The following SCN11A variants were observed in gnomAD, a reference collection of about 807,000 sequenced individuals.
SCN11A encodes sodium voltage-gated channel alpha subunit 11, also known as sodium channel protein type 11 subunit alpha.
In SCN11A, 122 loss-of-function variants were observed where a neutral mutation model predicts 162.2. That is an observed-to-expected ratio of 0.75 (90% CI 0.65 to 0.87). The LOEUF is 0.87. Ranked by LOEUF, SCN11A falls within the 40% of genes least tolerant of loss-of-function variation. The probability of loss-of-function intolerance (pLI) is 0.00; values close to 1 mark genes in which losing one functional copy is unlikely to be tolerated. For synonymous variants in SCN11A, 758 were observed against 751.5 expected, an observed-to-expected ratio of 1.01 and a Z score of -0.14; for missense variants, 2,015 against 2,181.6, an observed-to-expected ratio of 0.92 and a Z score of 1.52.
chr3:38,974,779 GA>G (rs1206333869), intron 2 of SCN11A, among the ~76,000 whole-genome samples: 22 of 148,356 alleles, frequency 1.5e-4, no homozygotes, highest in South Asian at 2.1e-4. Flanking sequence ...GGAAACAATA[GA>G]AAAAAATAAA....
intron 26 of SCN11A, among the ~76,000 whole-genome samples, chr3:38,867,810 C>G (rs887861632): frequency 6.6e-6 from 1 of 152,064 alleles, no homozygotes; most frequent in African/African-American, 2.4e-5. Flanking sequence ...GGGAACCTGA[C>G]TGGAGGTGAG....
rs772393665 is a variant in SCN11A, at chr3:38,903,975, A to T, written c.1732T>A (p.Phe578Ile). 43 of 1,613,942 alleles carry T rather than the reference A, an allele frequency of 2.7e-5. No homozygotes were observed. In the South Asian group the frequency reaches 4.0e-4, roughly 15 times the overall value. ...CAGATGGTGATGGCCAGCTCAGTAA[A>T]CGGGTCAGTCATCACAGTTCTCAGG... is the stretch of plus-strand genomic sequence containing the variant. Reference protein sequence around the residue: ...KVLRTVMTDPFTELAITICII... With the variant: ...KVLRTVMTDPITELAITICII... Residue 578 changes from phenylalanine to isoleucine, a missense_variant, in exon 16 of 30, where the codon TTT (phenylalanine) becomes ATT (isoleucine). Physicochemically the swap from Phe to Ile is conservative, Grantham distance 21. Transcript: ENST00000302328.
At chr3:38,952,015 G>T (rs528386227) in intron 4 of SCN11A, among the ~76,000 whole-genome samples, 1 of 152,200 alleles carries the variant, frequency 6.6e-6, no homozygotes, top group African/African-American at 2.4e-5. Context: ...TCTTGCTACT[G>T]CTTACTCTTT....
At position 38,883,402 on chromosome 3, in the gene SCN11A, T is replaced by C. The variant is rs967334822; in HGVS notation, c.3065-15A>G. 6.2e-7 allele frequency: 1 copy of C among 1,609,898 alleles called. No homozygotes were observed. The highest frequency in any genetic ancestry group is 1.3e-5 in the African/African-American group (1 of 74,826). On this transcript the variant is annotated splice_polypyrimidine_tract_variant and intron_variant, in intron 21 of 29. Transcript: ENST00000302328. ...GCAACCAAAGCCTGAAAGGAATTAA[T>C]GGTAGCACTATCATTAGTGTCTGTA...
chr3:38,935,288 T>C (rs1360022505), intron 7 of SCN11A, among the ~76,000 whole-genome samples: 2 of 151,314 alleles, frequency 1.3e-5, no homozygotes, highest in Non-Finnish European at 2.9e-5. Context: ...AGATCCAAAA[T>C]TGACACCCTA....
intron 2 of SCN11A, among the ~76,000 whole-genome samples, chr3:38,972,654 T>A (rs1178530792): frequency 6.6e-6 from 1 of 151,832 alleles, no homozygotes; most frequent in Non-Finnish European, 1.5e-5. Context: ...TGAGGTACAC[T>A]GAGTTTTTAC....
At chr3:38,957,777 C>A (rs1161528525) in intron 3 of SCN11A, among the ~76,000 whole-genome samples, 1 of 152,254 alleles carries the variant, frequency 6.6e-6, no homozygotes, top group Non-Finnish European at 1.5e-5. Flanking sequence ...TAGGCCTGAC[C>A]TCCCATGGTT....
At chr3:39,021,695 A>G (rs1381769217) in intron 2 of SCN11A, among the ~76,000 whole-genome samples, 1 of 152,196 alleles carries the variant, frequency 6.6e-6, no homozygotes, top group East Asian at 1.9e-4. Context: ...GGCCTTTTCC[A>G]GAACACAAAA....
intron 27 of SCN11A, among the ~76,000 whole-genome samples, chr3:38,864,958 G>A (rs971221376): frequency 3.3e-5 from 5 of 152,110 alleles, no homozygotes; most frequent in Middle Eastern, 3.4e-3. Flanking sequence ...AAATAGACTC[G>A]GTATTTGATG....
At chr3:39,014,356 G>A (rs1437817471) in intron 2 of SCN11A, among the ~76,000 whole-genome samples, 1 of 152,178 alleles carries the variant, frequency 6.6e-6, no homozygotes, top group East Asian at 1.9e-4. Flanking sequence ...CAAGGTTACA[G>A]ACAAAGTCAA....
chr3:38,906,339 C>T (rs1352295870), intron 14 of SCN11A, among the ~76,000 whole-genome samples: 1 of 152,046 alleles, frequency 6.6e-6, no homozygotes, highest in African/African-American at 2.4e-5. Context: ...TTTTCTGCTG[C>T]CCATCCCTCC....
intron 7 of SCN11A, among the ~76,000 whole-genome samples, chr3:38,937,022 A>G (rs1411972039): frequency 2.0e-5 from 3 of 152,162 alleles, no homozygotes; most frequent in Non-Finnish European, 4.4e-5. Flanking sequence ...ACCAAAACAG[A>G]GATATAGATC....
chr3:38,967,163 T>A (rs1260956847), intron 2 of SCN11A, among the ~76,000 whole-genome samples: 2 of 152,196 alleles, frequency 1.3e-5, no homozygotes, highest in Non-Finnish European at 2.9e-5. Flanking sequence ...AGAGATGCCA[T>A]GGTAACCAGC....
Position 38,894,912 on chromosome 3 carries a change from C to A in SCN11A, c.2456G>T (p.Arg819Ile). 1 of 1,614,050 alleles carries A rather than the reference C, an allele frequency of 6.2e-7. No homozygotes were observed. Residue 819 changes from arginine to isoleucine, a missense_variant, in exon 19 of 30, where the codon AGA (arginine) becomes ATA (isoleucine). Physicochemically the swap from Arg to Ile is moderately conservative, Grantham distance 97. Transcript: ENST00000302328. Reference protein sequence around the residue: ...LLLNSFSNEERNGNLEGEARK... With the variant: ...LLLNSFSNEEINGNLEGEARK... ...GGCCTCTCCTTCTAAGTTTCCATTT[C>A]TTTCCTCATTGCTAAAGGAATTGAG...
intron 2 of SCN11A, among the ~76,000 whole-genome samples, chr3:39,028,390 A>G (rs2031644445): frequency 6.6e-6 from 1 of 152,244 alleles, no homozygotes; most frequent in South Asian, 2.1e-4. Context: ...CTAGATGCTT[A>G]TAACTAGTTC....
At chr3:38,856,383 C>T (rs2064869940) in intron 28 of SCN11A, among the ~76,000 whole-genome samples, 1 of 152,118 alleles carries the variant, frequency 6.6e-6, no homozygotes, top group Non-Finnish European at 1.5e-5. Flanking sequence ...ACAGTTCCTC[C>T]CTACTTGGAA....
rs2065111859 is a variant in SCN11A, at chr3:38,870,714, A to G, written c.3790T>C (p.Tyr1264His). 16 of 1,613,542 alleles carry G rather than the reference A, an allele frequency of 9.9e-6. No individual in the cohort carries two copies. Among genetic ancestry groups the G allele is most frequent in the Non-Finnish European group, 1.3e-5 (15 of 1,179,642 alleles). The change falls in exon 26 of 30, where the codon TAT (tyrosine) becomes CAT (histidine). Residue 1264 changes from tyrosine to histidine, a missense_variant. Coordinates refer to ENST00000302328, the MANE Select transcript of SCN11A (RefSeq NM_001349253.2). ...ATFKGWMDII[Y>H]AAVDSTEKEQ... is the part of the protein sequence containing the mutation. ...ACCTCTGTGGAATCAACAGCTGCAT[A>G]TATAATATCCATCCAGCCCTTAAAT... is the stretch of plus-strand genomic sequence containing the variant.
rs746453693 is a variant in SCN11A, at chr3:38,886,251, G to T, written c.2836-13C>A. The T allele has an allele frequency of 7.8e-6, 12 of 1,544,034 alleles. No homozygotes were observed. In the South Asian group the frequency reaches 1.2e-4, roughly 16 times the overall value. On this transcript the variant is annotated splice_polypyrimidine_tract_variant and intron_variant, in intron 19 of 29. Transcript: ENST00000302328. ...GGAGCTCATAGGCCTAACACAGAGAGCCCAGAATAGAATTAATATTCCTCC... is the reference window on the plus strand; with the variant it reads ...GGAGCTCATAGGCCTAACACAGAGATCCCAGAATAGAATTAATATTCCTCC...
At position 38,945,494 on chromosome 3, in the gene SCN11A, A is replaced by G. The variant is rs2066503203; in HGVS notation, c.405T>C (p.Ile135=). 1 of 1,583,408 alleles carries G rather than the reference A, an allele frequency of 6.3e-7. No individual in the cohort carries two copies. Among genetic ancestry groups the G allele is most frequent in the African/African-American group, 1.3e-5 (1 of 74,174 alleles). Residue 135 remains isoleucine, a synonymous_variant, in exon 7 of 30, where the codon ATT becomes ATC. Coordinates refer to ENST00000302328, the MANE Select transcript of SCN11A (RefSeq NM_001349253.2). ...VSVHSLFSMF[I]IGTVIINCVF... ...CGCAGTTGATGATAACGGTGCCGAT[A>G]ATGAACATGCTGAACAATGTGGCCA... is the stretch of plus-strand genomic sequence containing the variant.
Sources: allele counts gnomAD v4.1 joint callset (sites outside exome capture counted in the v4.1 genomes callset), GRCh38; gene constraint gnomAD v4.1.1; transcripts MANE v1.5; gene names NCBI Gene and HGNC (gene_info 2026-07-23, HGNC 2026-07-21).